The following ADAMTSL3 variants were observed in gnomAD, a reference collection of about 807,000 sequenced individuals.
ADAMTSL3 encodes ADAMTS like 3.
ADAMTSL3 carries 128 observed loss-of-function variants against 201.7 expected under a neutral mutation model. The observed-to-expected ratio is 0.63, with a 90% confidence interval of 0.55 to 0.73. ADAMTSL3 has a LOEUF of 0.73. Among genes scored for constraint, ADAMTSL3 ranks in the 30% least tolerant of loss-of-function variants. The pLI is 0.00. For missense variants in ADAMTSL3, 1,990 were observed against 2,119.6 expected (o/e 0.94, Z 1.20); for synonymous variants, 738 against 748.4 (o/e 0.99, Z 0.23).
chr15:83,684,277 C>T (rs866292796), intron 2 of ADAMTSL3, among the ~76,000 whole-genome samples: 14 of 152,208 alleles, frequency 9.2e-5, no homozygotes, highest in Non-Finnish European at 1.6e-4. Context: ...AAACCCTAGC[C>T]ACATTTTCCT....
At chr15:83,700,890 A>G (rs74024545) in intron 2 of ADAMTSL3, among the ~76,000 whole-genome samples, 156 of 152,362 alleles carry the variant, frequency 1.0e-3, no homozygotes, top group African/African-American at 3.7e-3. Flanking sequence ...TTAACAGTCT[A>G]GTGCTATCTA....
intron 2 of ADAMTSL3, 75 bp downstream of exon 2, chr15:83,655,905 C>G: frequency 1.4e-6 from 2 of 1,419,520 alleles, no homozygotes; most frequent in Non-Finnish European, 2.0e-6. Context: ...TGTATACCAC[C>G]TAAGATGTGG....
At chr15:83,752,639 G>A (rs1275911848) in intron 3 of ADAMTSL3, among the ~76,000 whole-genome samples, 1 of 152,008 alleles carries the variant, frequency 6.6e-6, no homozygotes, top group Non-Finnish European at 1.5e-5. Flanking sequence ...TCCTATATTT[G>A]CAATATCTAA....
At chr15:83,764,375 T>TCTCCACC (rs1181384790) in intron 3 of ADAMTSL3, among the ~76,000 whole-genome samples, 2 of 152,026 alleles carry the variant, frequency 1.3e-5, no homozygotes, top group Non-Finnish European at 2.9e-5. Context: ...CCAGATCCAC[T>TCTCCACC]CTCCACCCTT....
intron 7 of ADAMTSL3, among the ~76,000 whole-genome samples, chr15:83,838,897 A>G (rs2064324366): frequency 6.6e-6 from 1 of 152,238 alleles, no homozygotes. Context: ...CTGGCCATAT[A>G]GTCTCAACTA....
chr15:83,824,591 C>T (rs2063978594), intron 6 of ADAMTSL3, among the ~76,000 whole-genome samples: 1 of 152,158 alleles, frequency 6.6e-6, no homozygotes, highest in Non-Finnish European at 1.5e-5. Flanking sequence ...TAGTATAATG[C>T]AGAGTAGTTT....
rs139222116 is a variant in ADAMTSL3, at chr15:83,982,316, G to A, written c.2688G>A (p.Pro896=). Residue 896 remains proline, a synonymous_variant, in exon 21 of 30, where the codon CCG becomes CCA. Transcript: ENST00000286744. The part of the protein sequence containing the change: ...EMKTKLGEQG[P]QILSVQRVYI... ...AGACAAAACTTGGTGAGCAGGGTCC[G>A]CAGATCCTCAGTGTCCAGAGAGTCT... 1.6e-4 allele frequency: 256 copies of A among 1,612,626 alleles called. 2 individuals are homozygous for A. Among genetic ancestry groups the A allele is most frequent in the Middle Eastern group, 3.3e-4 (2 of 6,084 alleles).
chr15:84,017,369 G>A (rs747822016), intron 25 of ADAMTSL3, among the ~76,000 whole-genome samples: 10 of 152,122 alleles, frequency 6.6e-5, no homozygotes, highest in Non-Finnish European at 1.3e-4. Context: ...CGCCCACCTT[G>A]GCCTCCCAAA....
intron 3 of ADAMTSL3, among the ~76,000 whole-genome samples, chr15:83,743,341 G>A (rs967657847): frequency 3.3e-5 from 5 of 151,850 alleles, no homozygotes; most frequent in Admixed American, 6.6e-5. Flanking sequence ...GTGAAACCCC[G>A]TCTCTACTAA....
chr15:83,829,482 T>C (rs1194546016), intron 6 of ADAMTSL3, among the ~76,000 whole-genome samples: 1 of 152,198 alleles, frequency 6.6e-6, no homozygotes, highest in East Asian at 1.9e-4. Flanking sequence ...AACCAGCTCC[T>C]GGATTCTTTG....
chr15:83,846,371 T>C (rs1309639696), intron 7 of ADAMTSL3, among the ~76,000 whole-genome samples: 1 of 152,170 alleles, frequency 6.6e-6, no homozygotes, highest in Non-Finnish European at 1.5e-5. Flanking sequence ...TGGTGAGTGG[T>C]CAAGATGGTT....
intron 4 of ADAMTSL3, among the ~76,000 whole-genome samples, chr15:83,780,108 A>G (rs1469075854): frequency 6.6e-6 from 1 of 152,106 alleles, no homozygotes; most frequent in East Asian, 1.9e-4. Flanking sequence ...GAGACAAAAA[A>G]ACCATTCGAA....
intron 9 of ADAMTSL3, among the ~76,000 whole-genome samples, chr15:83,875,835 G>A (rs1402842245): frequency 6.6e-6 from 1 of 152,030 alleles, no homozygotes; most frequent in Non-Finnish European, 1.5e-5. Flanking sequence ...GGATGTATGT[G>A]TAAGACACAG....
intron 2 of ADAMTSL3, among the ~76,000 whole-genome samples, chr15:83,671,291 G>A (rs1258494381): frequency 6.6e-6 from 1 of 152,120 alleles, no homozygotes; most frequent in East Asian, 1.9e-4. Context: ...AGAGGGCACA[G>A]AACTTTTTGG....
chr15:83,850,263 G>A (rs916124557), intron 7 of ADAMTSL3, among the ~76,000 whole-genome samples: 3 of 151,990 alleles, frequency 2.0e-5, no homozygotes, highest in Admixed American at 1.3e-4. Flanking sequence ...CAGCTCCTCT[G>A]TGTCCTCAGA....
intron 13 of ADAMTSL3, 22 bp from the exon 14 acceptor site, chr15:83,897,836 G>A: frequency 6.4e-7 from 1 of 1,559,940 alleles, no homozygotes; most frequent in Non-Finnish European, 8.7e-7. Context: ...AAATGCGTTG[G>A]CTTCTCTTTT....
At chr15:83,975,221 C>A (rs1313442093) in intron 20 of ADAMTSL3, among the ~76,000 whole-genome samples, 1 of 151,938 alleles carries the variant, frequency 6.6e-6, no homozygotes, top group South Asian at 2.1e-4. Flanking sequence ...CCAGGATGGT[C>A]TTGATCTCCT....
chr15:83,757,590 C>T (rs2062742380), intron 3 of ADAMTSL3, among the ~76,000 whole-genome samples: 1 of 152,228 alleles, frequency 6.6e-6, no homozygotes, highest in Admixed American at 6.5e-5. Flanking sequence ...GCCCTGAAGA[C>T]ATTTTCTCCA....
At chr15:83,658,385 A>G (rs2061120365) in intron 2 of ADAMTSL3, among the ~76,000 whole-genome samples, 1 of 152,258 alleles carries the variant, frequency 6.6e-6, no homozygotes. Context: ...CTGGGATTAC[A>G]GATGTGAGCC....
Sources: allele counts gnomAD v4.1 joint callset (sites outside exome capture counted in the v4.1 genomes callset), GRCh38; gene constraint gnomAD v4.1.1; transcripts MANE v1.5; gene names NCBI Gene and HGNC (gene_info 2026-07-23, HGNC 2026-07-21).